The following XXYLT1 variants were observed in gnomAD, a reference collection of about 807,000 sequenced individuals.
XXYLT1 encodes the protein xyloside xylosyltransferase 1, also known as UDP-xylose:alpha-xyloside alpha-1,3-xylosyltransferase.
Under a neutral mutation model 28.9 loss-of-function variants are expected in XXYLT1, and 20 were observed. That is an observed-to-expected ratio of 0.69 (90% CI 0.49 to 1.00). XXYLT1 has a LOEUF of 1.00. Ranked by LOEUF, XXYLT1 falls within the 50% of genes least tolerant of loss-of-function variation. XXYLT1 has a pLI of 0.00. For missense variants in XXYLT1, 542 were observed against 560.1 expected (o/e 0.97, Z 0.33); for synonymous variants, 257 against 253.8 (o/e 1.01, Z -0.12).
intron 3 of XXYLT1, among the ~76,000 whole-genome samples, chr3:195,136,705 G>T (rs898042875): frequency 6.6e-6 from 1 of 152,162 alleles, no homozygotes; most frequent in Non-Finnish European, 1.5e-5. Flanking sequence ...ACTGCTATAA[G>T]CCCTGGCCAG....
chr3:195,263,845 A>G (rs1272632777), intron 1 of XXYLT1, among the ~76,000 whole-genome samples: 1 of 152,202 alleles, frequency 6.6e-6, no homozygotes, highest in Non-Finnish European at 1.5e-5. Flanking sequence ...TTTAATCACT[A>G]TAGTTATTAG....
intron 2 of XXYLT1, among the ~76,000 whole-genome samples, chr3:195,192,404 A>G (rs543938712): frequency 0.048 from 7,217 of 151,120 alleles, 558 homozygotes; most frequent in African/African-American, 0.17. Flanking sequence ...CAGCCTGGGT[A>G]ACCAAGTGAG....
At chr3:195,208,252 CA>C (rs1723158444) in intron 2 of XXYLT1, among the ~76,000 whole-genome samples, 1 of 152,108 alleles carries the variant, frequency 6.6e-6, no homozygotes, top group Non-Finnish European at 1.5e-5. Context: ...TCCAATTCCC[CA>C]ACTAGAAAGT....
rs1481057977 is a variant in XXYLT1, at chr3:195,173,429, T to C, written c.653-16848A>G. ...TTGTTACCTAGGAGGTGCTCGACACTAAGTAACATTCTGGTTCATATAAGA... is the reference window on the plus strand; with the variant it reads ...TTGTTACCTAGGAGGTGCTCGACACCAAGTAACATTCTGGTTCATATAAGA... On this transcript the variant is annotated intron_variant, in intron 2 of 3. Coordinates refer to ENST00000310380, the MANE Select transcript of XXYLT1 (RefSeq NM_152531.5). This position sits in a 1 kb window ranked among gnomAD's most constrained non-coding sequence, Gnocchi z 4.3. Among the ~76,000 whole-genome samples the C allele has an allele frequency of 1.3e-5, 2 of 152,200 alleles. No homozygotes were observed. The highest frequency in any genetic ancestry group is 2.9e-5 in the Non-Finnish European group (2 of 68,026).
At chr3:195,206,395 G>A (rs1723072611) in intron 2 of XXYLT1, among the ~76,000 whole-genome samples, 1 of 150,750 alleles carries the variant, frequency 6.6e-6, no homozygotes, top group Non-Finnish European at 1.5e-5. Flanking sequence ...TGTGAATCCT[G>A]CATGGATACT....
chr3:195,256,244 C>G lies in XXYLT1; in HGVS notation c.504+14311G>C, dbSNP rs548777776. Among the ~76,000 whole-genome samples, 119 of 152,322 alleles carry G rather than the reference C, an allele frequency of 7.8e-4. 1 individual carries two copies. Among genetic ancestry groups the G allele is most frequent in the African/African-American group, 2.7e-3 (113 of 41,568 alleles). On this transcript the variant is annotated intron_variant, in intron 1 of 3. Transcript: ENST00000310380. This position sits in a 1 kb window ranked among gnomAD's most constrained non-coding sequence, Gnocchi z 4.2. ...TCTTCCTAGGGGAGACTAGCTACCC[C>G]TCACAGGCCTGGCTGCTCCAAGGTT... is the stretch of plus-strand genomic sequence containing the variant.
intron 3 of XXYLT1, among the ~76,000 whole-genome samples, chr3:195,112,428 GCA>G (rs375678793): frequency 2.6e-5 from 3 of 113,692 alleles, no homozygotes; most frequent in East Asian, 1.9e-4. Context: ...ACACACACAT[GCA>G]CACACACGCA....
chr3:195,122,468 T>C (rs1718413029), intron 3 of XXYLT1, among the ~76,000 whole-genome samples: 1 of 152,128 alleles, frequency 6.6e-6, no homozygotes, highest in African/African-American at 2.4e-5. Context: ...GGTAGTACTG[T>C]AGTAGTAGTA....
intron 3 of XXYLT1, among the ~76,000 whole-genome samples, chr3:195,099,798 T>G (rs1716668216): frequency 1.5e-5 from 2 of 132,862 alleles, no homozygotes; most frequent in African/African-American, 5.6e-5. Context: ...GCCACTGCAC[T>G]CCAGCCTGGG....
intron 2 of XXYLT1, among the ~76,000 whole-genome samples, chr3:195,186,022 C>A (rs1722182639): frequency 6.6e-6 from 1 of 152,208 alleles, no homozygotes; most frequent in African/African-American, 2.4e-5. Context: ...CCTCCCCTCT[C>A]ACCTAAGAAG....
At chr3:195,157,662 C>T (rs544680620) in intron 2 of XXYLT1, among the ~76,000 whole-genome samples, 119 of 152,284 alleles carry the variant, frequency 7.8e-4, no homozygotes, top group African/African-American at 2.8e-3. Context: ...GGACCCTGCC[C>T]TCAAGAGAGA....
chr3:195,126,717 C>A (rs1197237677), intron 3 of XXYLT1, among the ~76,000 whole-genome samples: 1 of 152,224 alleles, frequency 6.6e-6, no homozygotes, highest in African/African-American at 2.4e-5. Flanking sequence ...TTGATCCCAA[C>A]ACTCCCCTCC....
At chr3:195,192,810 A>G (rs1023220390) in intron 2 of XXYLT1, among the ~76,000 whole-genome samples, 7 of 152,240 alleles carry the variant, frequency 4.6e-5, no homozygotes, top group African/African-American at 1.2e-4. Flanking sequence ...CAATTGATTA[A>G]TTAAAAGCAT....
rs1038158882 is a variant in XXYLT1, at chr3:195,180,239, G to A, written c.653-23658C>T. Reference sequence around the variant, plus strand: ...AACGCCAGATCCCCGTCTCTGCACTGACACCGGGGGTGGTGAGTGGCACAC... The same window carrying A: ...AACGCCAGATCCCCGTCTCTGCACTAACACCGGGGGTGGTGAGTGGCACAC... On this transcript the variant is annotated intron_variant, in intron 2 of 3. Transcript: ENST00000310380. This position sits in a 1 kb window ranked among gnomAD's most constrained non-coding sequence, Gnocchi z 5.8. 17 of 866,498 alleles carry A rather than the reference G, an allele frequency of 2.0e-5. No individual in the cohort carries two copies. In the South Asian group the frequency reaches 7.4e-4, roughly 38 times the overall value. 53.7% of individuals were successfully genotyped at this position (866,498 alleles called of 1,614,324 possible). A position where few individuals can be genotyped will look rare whatever the true frequency, so the allele number is the denominator to read the frequency against.
At chr3:195,238,675 C>G (rs569569513) in intron 1 of XXYLT1, among the ~76,000 whole-genome samples, 2 of 152,158 alleles carry the variant, frequency 1.3e-5, no homozygotes, top group African/African-American at 4.8e-5. Flanking sequence ...ACATTGAGCC[C>G]GGGGGTTGCC....
chr3:195,229,169 G>C (rs1052292810), intron 1 of XXYLT1, among the ~76,000 whole-genome samples: 2 of 151,972 alleles, frequency 1.3e-5, no homozygotes, highest in African/African-American at 4.8e-5. Context: ...ATCTCTCTTA[G>C]TTCACCTTTC....
intron 3 of XXYLT1, 42 bp from the exon 4 acceptor site, chr3:195,070,153 ACCAGCCTG>A (rs1714721877): frequency 6.7e-7 from 1 of 1,502,920 alleles, no homozygotes; most frequent in East Asian, 2.3e-5. Flanking sequence ...GTGCAGGGGA[ACCAGCCTG>A]CCGGCCTGCT....
rs555492974 is a variant in XXYLT1 at position 195,127,345 on chromosome 3, G to A, written c.785+29104C>T. 1.2e-3 allele frequency among the ~76,000 whole-genome samples: 182 copies of A among 152,290 alleles called. 1 individual carries two copies. The highest frequency in any genetic ancestry group is 3.4e-3 in the Middle Eastern group (1 of 294). On this transcript the variant is annotated intron_variant, in intron 3 of 3. Transcript: ENST00000310380. Reference sequence around the variant, plus strand: ...TGTCTTTGTCAGTTCCTCCAGGGGTGCCATGGACTTGCTAAAAAGGTGCTG... The same window carrying A: ...TGTCTTTGTCAGTTCCTCCAGGGGTACCATGGACTTGCTAAAAAGGTGCTG...
At chr3:195,201,078 G>A (rs1722830406) in intron 2 of XXYLT1, among the ~76,000 whole-genome samples, 1 of 152,130 alleles carries the variant, frequency 6.6e-6, no homozygotes, top group Non-Finnish European at 1.5e-5. Flanking sequence ...TCTGAGTGCT[G>A]GAATCCAGGC....
Sources: gnomAD v4.1 joint callset for allele counts (sites outside exome capture counted in the v4.1 genomes callset) on GRCh38, gnomAD v4.1.1 for gene constraint, Gnocchi (gnomAD v3.1) non-coding constraint, MANE v1.5 for transcripts, NCBI Gene and HGNC (gene_info 2026-07-23, HGNC 2026-07-21) for gene names.